Variants in RNF43 observed in about 807,000 individuals in gnomAD.
RNF43 encodes the protein ring finger protein 43.
In RNF43, 37 loss-of-function variants were observed where a neutral mutation model predicts 78.4. The observed-to-expected ratio is 0.47, with a 90% confidence interval of 0.36 to 0.62. The LOEUF (loss-of-function observed/expected upper bound fraction) is 0.62. Among genes scored for constraint, RNF43 ranks in the 20% least tolerant of loss-of-function variants. RNF43 has a pLI of 0.00. For missense variants in RNF43, 774 were observed against 1,007.9 expected (o/e 0.77, Z 3.14); for synonymous variants, 347 against 395.0 (o/e 0.88, Z 1.44).
At chr17:58,386,792 G>A (rs1273711033) in intron 2 of RNF43, among the ~76,000 whole-genome samples, 1 of 151,908 alleles carries the variant, frequency 6.6e-6, no homozygotes, top group African/African-American at 2.4e-5. Flanking sequence ...TCTATGTGTG[G>A]TAATTTTCAC....
At chr17:58,399,437 C>A (rs201361781) in intron 2 of RNF43, among the ~76,000 whole-genome samples, 1 of 101,076 alleles carries the variant, frequency 9.9e-6, no homozygotes, top group African/African-American at 3.4e-5. Context: ...TAGAGACTTG[C>A]GGGATAATTT....
intron 2 of RNF43, among the ~76,000 whole-genome samples, chr17:58,385,071 A>T (rs1296024195): frequency 6.6e-6 from 1 of 152,176 alleles, no homozygotes; most frequent in East Asian, 1.9e-4. Flanking sequence ...GTTGCTCATG[A>T]CATAATACTA....
intron 2 of RNF43, among the ~76,000 whole-genome samples, chr17:58,411,920 C>T (rs1253540236): frequency 6.6e-6 from 1 of 152,182 alleles, no homozygotes; most frequent in Non-Finnish European, 1.5e-5. Flanking sequence ...AACACTTTTC[C>T]TTCTACAATG....
chr17:58,372,149 G>C (rs562850826), intron 2 of RNF43, among the ~76,000 whole-genome samples: 10 of 152,344 alleles, frequency 6.6e-5, no homozygotes, highest in African/African-American at 2.4e-4. Context: ...GAACCACAGA[G>C]AATCTTGAAT....
At chr17:58,365,486 G>A (rs1972929564) in intron 3 of RNF43, among the ~76,000 whole-genome samples, 1 of 152,170 alleles carries the variant, frequency 6.6e-6, no homozygotes, top group Non-Finnish European at 1.5e-5. Flanking sequence ...TAGGAACAGT[G>A]GAAGGCAATT....
intron 3 of RNF43, among the ~76,000 whole-genome samples, chr17:58,363,923 G>C (rs556234628): frequency 3.9e-5 from 6 of 152,312 alleles, no homozygotes; most frequent in African/African-American, 1.4e-4. Flanking sequence ...CACAGCTCCT[G>C]CCCTCAGGGT....
downstream of RNF43, chr17:58,353,285 A>G (rs1972604877): frequency 4.6e-6 from 1 of 217,146 alleles, no homozygotes; most frequent in Non-Finnish European, 9.3e-6. Flanking sequence ...ACTTTGGAAC[A>G]TATTTTCTAC....
At position 58,392,566 on chromosome 17, in the gene RNF43, A is replaced by G. The variant is rs564680377; in HGVS notation, c.253-21533T>C. Among the ~76,000 whole-genome samples the G allele has an allele frequency of 1.1e-4, 16 of 152,316 alleles. No homozygotes were observed. In the South Asian group the frequency reaches 3.3e-3, roughly 32 times the overall value. On this transcript the variant is annotated intron_variant, in intron 2 of 9. Transcript: ENST00000407977. ...ACACACTCATTCCAAAACTACTATC[A>G]CTACAACGATTCTCTCAAAGGGGAA...
intron 2 of RNF43, among the ~76,000 whole-genome samples, chr17:58,411,122 A>T (rs2143680523): frequency 6.6e-6 from 1 of 152,338 alleles, no homozygotes; most frequent in South Asian, 2.1e-4. Flanking sequence ...TAAAGTTATT[A>T]TGAGAATTCA....
chr17:58,353,004 C>T (rs1016383399), downstream of RNF43: 1 of 217,564 alleles, frequency 4.6e-6, no homozygotes, highest in Non-Finnish European at 9.2e-6. Context: ...GCGACAAAGG[C>T]CCCTTCTGGC....
chr17:58,363,682 T>A (rs1168014243), intron 3 of RNF43, 82 bp from the exon 4 acceptor site: 2 of 1,168,952 alleles, frequency 1.7e-6, no homozygotes, highest in Non-Finnish European at 1.2e-6. Flanking sequence ...CCCTCACACA[T>A]CTATCCCTTC....
chr17:58,393,753 G>A (rs776147125), intron 2 of RNF43, among the ~76,000 whole-genome samples: 4 of 152,134 alleles, frequency 2.6e-5, no homozygotes, highest in Non-Finnish European at 4.4e-5. Flanking sequence ...GCAGTGCCCT[G>A]AATAGAAACA....
At chr17:58,370,068 T>G (rs1365141865) in intron 3 of RNF43, among the ~76,000 whole-genome samples, 2 of 99,380 alleles carry the variant, frequency 2.0e-5, no homozygotes, top group African/African-American at 3.3e-5. Flanking sequence ...GAGTTTTTTT[T>G]TTTTTTTTTT....
At chr17:58,361,072 C>G (rs12150325) in intron 6 of RNF43, 128 bp from the exon 7 acceptor site, 3 of 978,764 alleles carry the variant, frequency 3.1e-6, no homozygotes, top group Non-Finnish European at 4.3e-6. Context: ...CTTAGGAGTT[C>G]GTCTCCTCGG....
In RNF43 at chr17:58,370,896, G is replaced by C. The variant is rs1249083177; in HGVS notation, c.375+15C>G. The C allele has an allele frequency of 6.3e-7, 1 of 1,581,690 alleles. No homozygotes were observed. The highest frequency in any genetic ancestry group is 2.2e-5 in the East Asian group (1 of 44,594). ...GTGAAGCTCCGGGTGTGTGTAGGGC[G>C]AAGTGTGAGTCTACCTTGCTAGCCA... On this transcript the variant is annotated intron_variant, in intron 3 of 9. Transcript: ENST00000407977.
At chr17:58,374,538 G>A (rs970048962) in intron 2 of RNF43, among the ~76,000 whole-genome samples, 12 of 151,938 alleles carry the variant, frequency 7.9e-5, no homozygotes, top group Admixed American at 7.2e-4. Flanking sequence ...GACTACAGGC[G>A]CCCGCCACCA....
chr17:58,388,989 G>A (rs1421795686), intron 2 of RNF43, among the ~76,000 whole-genome samples: 4 of 152,222 alleles, frequency 2.6e-5, no homozygotes. Flanking sequence ...ATGCCAAGAT[G>A]AGAGTTAGAG....
intron 2 of RNF43, among the ~76,000 whole-genome samples, chr17:58,380,796 CAT>C (rs1202373183): frequency 6.6e-6 from 1 of 152,212 alleles, no homozygotes; most frequent in Non-Finnish European, 1.5e-5. Context: ...TTACTTCACA[CAT>C]AGTCCAGGTC....
At chr17:58,368,789 T>C (rs2450509) in intron 3 of RNF43, among the ~76,000 whole-genome samples, 21,005 of 152,126 alleles carry the variant, frequency 0.14, 1,736 homozygotes, top group Middle Eastern at 0.2. Context: ...ATTTATTTTC[T>C]CATGAGATAA....
Sources: allele counts gnomAD v4.1 joint callset (sites outside exome capture counted in the v4.1 genomes callset), GRCh38; gene constraint gnomAD v4.1.1; transcripts MANE v1.5; gene names NCBI Gene and HGNC (gene_info 2026-07-23, HGNC 2026-07-21).